Variants in GLI3 observed in about 807,000 individuals in gnomAD.
The protein encoded by GLI3 is transcription activator GLI3.
A neutral mutation model predicts 100.8 loss-of-function variants in GLI3; 20 were observed. The observed-to-expected ratio is 0.20, with a 90% CI of 0.14 to 0.29. The LOEUF (loss-of-function observed/expected upper bound fraction) is 0.29, where lower values mean the gene tolerates loss of function less well. Among genes scored for constraint, GLI3 ranks in the 10% least tolerant of loss-of-function variants. The probability of loss-of-function intolerance (pLI) is 1.00; values close to 1 mark genes in which losing one functional copy is unlikely to be tolerated. For synonymous variants in GLI3, 938 were observed against 860.5 expected (o/e 1.09, Z -1.58); for missense variants, 2,040 against 2,128.5 (o/e 0.96, Z 0.82).
intron 2 of GLI3, among the ~76,000 whole-genome samples, chr7:42,206,885 TA>T (rs1189413932): frequency 6.6e-6 from 1 of 152,056 alleles, no homozygotes; most frequent in Non-Finnish European, 1.5e-5. Flanking sequence ...AAAAATTTTT[TA>T]AAAAAGAGAC....
At chr7:41,987,642 A>G (rs73320225) in intron 10 of GLI3, among the ~76,000 whole-genome samples, 1 of 152,348 alleles carries the variant, frequency 6.6e-6, no homozygotes, top group African/African-American at 2.4e-5. Context: ...AGTTGTTAAC[A>G]GAACAAAGCC....
chr7:42,064,435 G>C (rs543796233), intron 4 of GLI3, among the ~76,000 whole-genome samples: 46 of 152,304 alleles, frequency 3.0e-4, no homozygotes, highest in African/African-American at 8.7e-4. Context: ...TTGTGGTAGA[G>C]TTGAGAATGG....
intron 9 of GLI3, 148 bp from the exon 10 acceptor site, chr7:42,023,756 CTG>C (rs1789017790): frequency 1.0e-5 from 7 of 683,030 alleles, no homozygotes; most frequent in Non-Finnish European, 1.5e-5. Context: ...AAAATCATAT[CTG>C]TGCATATTTT....
rs987039089 is a variant in GLI3, at chr7:42,023,717, G to A, written c.1357-109C>T. The A allele has an allele frequency of 1.0e-5, 10 of 995,736 alleles. No individual in the cohort carries two copies. The Admixed American group carries it at 1.3e-4, about 13-fold the overall frequency. The allele number at this position is 995,736 out of a possible 1,614,324, so 61.7% of individuals were successfully genotyped here. On this transcript the variant is annotated intron_variant, in intron 9 of 14. Coordinates refer to ENST00000395925, the MANE Select transcript of GLI3 (RefSeq NM_000168.6). ...AAACCCAATTTAGATTTGGGTCTAG[G>A]GTTTTGTGAAGTGAAGAAGTCAAAC... is the stretch of plus-strand genomic sequence containing the variant.
At position 41,965,102 on chromosome 7, in the gene GLI3, GCCAGGTACC is replaced by G. The variant is rs1787124862; in HGVS notation, c.3962_3970del (p.Gly1321_Leu1323del). The G allele has an allele frequency of 6.2e-7, 1 of 1,613,638 alleles. No homozygotes were observed. The highest frequency in any genetic ancestry group is 8.5e-7 in the Non-Finnish European group (1 of 1,180,000). Reference sequence around the variant, plus strand: ...CATGCTGTCGCCGAGGAGCTGGTGAGCCAGGTACCCCTGTCCCACTGGGTCCTGGTTCTG... The same window carrying G: ...CATGCTGTCGCCGAGGAGCTGGTGAGCCTGTCCCACTGGGTCCTGGTTCTG... On this transcript the variant is annotated inframe_deletion, in exon 15 of 15. Transcript: ENST00000395925.
intron 2 of GLI3, among the ~76,000 whole-genome samples, chr7:42,177,459 G>C (rs746906524): frequency 2.9e-4 from 44 of 152,116 alleles, no homozygotes; most frequent in Non-Finnish European, 5.6e-4. Context: ...CTGTTTAAAG[G>C]TGAGGAAAAT....
intron 2 of GLI3, among the ~76,000 whole-genome samples, chr7:42,188,597 A>T (rs1480496380): frequency 6.6e-6 from 1 of 152,240 alleles, no homozygotes; most frequent in African/African-American, 2.4e-5. Flanking sequence ...AAAACTTGGA[A>T]ACAACCAAGA....
intron 10 of GLI3, among the ~76,000 whole-genome samples, chr7:42,003,881 A>G (rs1264732344): frequency 1.3e-5 from 2 of 152,212 alleles, no homozygotes; most frequent in East Asian, 3.8e-4. Context: ...AAAATGAAAC[A>G]AAGATATAAA....
chr7:42,171,387 T>C (rs1437207723), intron 2 of GLI3, among the ~76,000 whole-genome samples: 1 of 152,142 alleles, frequency 6.6e-6, no homozygotes, highest in African/African-American at 2.4e-5. Flanking sequence ...AAAAAGAATT[T>C]CCAACTCCCA....
At chr7:42,050,971 A>T (rs1047100166) in intron 4 of GLI3, among the ~76,000 whole-genome samples, 1 of 152,118 alleles carries the variant, frequency 6.6e-6, no homozygotes, top group Non-Finnish European at 1.5e-5. Flanking sequence ...AAAGCCTAGG[A>T]AGCTGTTTTC....
intron 2 of GLI3, among the ~76,000 whole-genome samples, chr7:42,169,669 C>T (rs771816079): frequency 6.6e-6 from 1 of 151,954 alleles, no homozygotes; most frequent in Non-Finnish European, 1.5e-5. Flanking sequence ...AGGATGTTCA[C>T]TGAAACAATA....
intron 10 of GLI3, among the ~76,000 whole-genome samples, chr7:41,982,767 T>C (rs555652139): frequency 2.3e-4 from 35 of 151,924 alleles, no homozygotes; most frequent in Middle Eastern, 6.8e-3. Flanking sequence ...TGAGGGCCTA[T>C]ATCACAGTAG....
chr7:42,256,832 T>C (rs1789089816), intron 1 of GLI3, among the ~76,000 whole-genome samples: 1 of 152,256 alleles, frequency 6.6e-6, no homozygotes. Context: ...ATGGAAATTT[T>C]GATAAGGGTT....
rs1248339103 is a variant in GLI3, at chr7:41,966,731, G to A, written c.2432-90C>T. The A allele has an allele frequency of 2.3e-6, 3 of 1,316,686 alleles. No homozygotes were observed. Among genetic ancestry groups the A allele is most frequent in the Admixed American group, 1.7e-5 (1 of 58,788 alleles). 81.6% of individuals were successfully genotyped at this position (1,316,686 alleles called of 1,614,324 possible). A position where few individuals can be genotyped will look rare whatever the true frequency, so the allele number is the denominator to read the frequency against. ...GCATGAGCAACCCTTTTCTGTAAAG[G>A]GCCAGCTAGGAACTATTTCTGGTGT... On this transcript the variant is annotated intron_variant, in intron 14 of 14. Coordinates refer to ENST00000395925, the MANE Select transcript of GLI3 (RefSeq NM_000168.6). The surrounding 1 kb of genome is among the most constrained non-coding windows in gnomAD (Gnocchi z 5.8).
chr7:42,231,256 T>C (rs1436827110), intron 1 of GLI3, among the ~76,000 whole-genome samples: 1 of 152,202 alleles, frequency 6.6e-6, no homozygotes, highest in Non-Finnish European at 1.5e-5. Context: ...GTATTTAACA[T>C]TTTTTTGTGA....
intron 3 of GLI3, among the ~76,000 whole-genome samples, chr7:42,097,770 G>A (rs778824880): frequency 2.6e-5 from 4 of 152,072 alleles, no homozygotes; most frequent in South Asian, 2.1e-4. Context: ...ATGAGCCTAC[G>A]TTCCTCTCCA....
At position 41,967,989 on chromosome 7, in the gene GLI3, T is replaced by C. The variant is rs1583734802; in HGVS notation, c.2104-66A>G. Reference sequence around the variant, plus strand: ...AGGGTCAAGGAAAGGGAGCCAATAATGAGAGCTCATGCATATCGAGATCTT... The same window carrying C: ...AGGGTCAAGGAAAGGGAGCCAATAACGAGAGCTCATGCATATCGAGATCTT... On this transcript the variant is annotated intron_variant, in intron 13 of 14. Transcript: ENST00000395925. 1.8e-5 allele frequency: 21 copies of C among 1,153,242 alleles called. No individual in the cohort carries two copies. The East Asian group carries it at 4.9e-4, about 27-fold the overall frequency. 71.4% of individuals were successfully genotyped at this position (1,153,242 alleles called of 1,614,324 possible).
intron 3 of GLI3, among the ~76,000 whole-genome samples, chr7:42,085,773 G>A (rs934150985): frequency 6.6e-6 from 1 of 152,210 alleles, no homozygotes; most frequent in African/African-American, 2.4e-5. Flanking sequence ...GCCTGCCAGA[G>A]ATTGTCGGGG....
chr7:42,080,538 T>C (rs938913641), intron 3 of GLI3, among the ~76,000 whole-genome samples: 1 of 152,222 alleles, frequency 6.6e-6, no homozygotes, highest in African/African-American at 2.4e-5. Flanking sequence ...GTGTGGACAA[T>C]TATACCTTGT....
Sources: gnomAD v4.1 joint callset for allele counts (sites outside exome capture counted in the v4.1 genomes callset) on GRCh38, gnomAD v4.1.1 for gene constraint, Gnocchi (gnomAD v3.1) non-coding constraint, MANE v1.5 for transcripts, NCBI Gene and HGNC (gene_info 2026-07-23, HGNC 2026-07-21) for gene names.